PHF2: variants seen among roughly 807,000 people sequenced by gnomAD.
PHF2 encodes lysine-specific demethylase PHF2.
Under a neutral mutation model 120.5 loss-of-function variants are expected in PHF2, and 27 were observed. That is an observed-to-expected ratio of 0.22 (90% CI 0.17 to 0.31). PHF2 has a LOEUF of 0.31. PHF2 is among the 10% of genes least tolerant of loss of function. The pLI, the probability that PHF2 is intolerant of heterozygous loss-of-function variation, is 1.00. For missense variants in PHF2, 1,024 were observed against 1,434.8 expected, an observed-to-expected ratio of 0.71 and a Z score of 4.63; for synonymous variants, 568 against 592.5, an observed-to-expected ratio of 0.96 and a Z score of 0.60.
At chr9:93,576,946 G>A in intron 1 of PHF2, 75 bp downstream of exon 1, 1 of 607,182 alleles carries the variant, frequency 1.6e-6, no homozygotes, top group Non-Finnish European at 2.1e-6. Context: ...CGCGCCCCCG[G>A]CTGCGCGCCC....
intron 14 of PHF2, among the ~76,000 whole-genome samples, chr9:93,663,966 G>A (rs1290503049): frequency 6.6e-5 from 10 of 152,216 alleles, no homozygotes; most frequent in Non-Finnish European, 1.2e-4. Context: ...CTCCCACCAC[G>A]CTCCACCTGT....
intron 13 of PHF2, 50 bp from the exon 14 acceptor site, chr9:93,663,466 AC>A (rs768016661): frequency 9.8e-6 from 11 of 1,127,608 alleles, no homozygotes; most frequent in South Asian, 4.1e-5. Context: ...TGGGGTCCTG[AC>A]CCCCCACTTC....
At chr9:93,652,248 G>A (rs1826380851) in intron 5 of PHF2, among the ~76,000 whole-genome samples, 1 of 151,176 alleles carries the variant, frequency 6.6e-6, no homozygotes, top group South Asian at 2.1e-4. Flanking sequence ...CTGGTTCTTA[G>A]TGGCAGCTGA....
intron 2 of PHF2, among the ~76,000 whole-genome samples, chr9:93,631,156 G>T (rs1162376663): frequency 3.3e-5 from 5 of 152,196 alleles, no homozygotes; most frequent in African/African-American, 1.2e-4. Flanking sequence ...TGTGAGCTGA[G>T]GCTGGGTCGA....
intron 1 of PHF2, among the ~76,000 whole-genome samples, chr9:93,618,682 T>A (rs1825766667): frequency 6.6e-6 from 1 of 152,192 alleles, no homozygotes; most frequent in Non-Finnish European, 1.5e-5. Flanking sequence ...TTTTAAAAAT[T>A]GTAATATTAA....
chr9:93,671,927 G>C (rs1214285630), intron 17 of PHF2, among the ~76,000 whole-genome samples: 2 of 126,126 alleles, frequency 1.6e-5, no homozygotes, highest in African/African-American at 6.2e-5. Context: ...AGTAGGGTCA[G>C]GTGTAGATGC....
chr9:93,665,876 G>T lies in PHF2; in HGVS notation c.2116+12G>T, dbSNP rs1305931798. 1 of 1,612,920 alleles carries T rather than the reference G, an allele frequency of 6.2e-7. No individual in the cohort carries two copies. Among genetic ancestry groups the T allele is most frequent in the Non-Finnish European group, 8.5e-7 (1 of 1,179,864 alleles). Reference sequence around the variant, plus strand: ...AAGGGACTTGTCCTGTGAGTTGGGAGGGGGTGTTGGGGGAGGGGTGTGGGA... The same window carrying T: ...AAGGGACTTGTCCTGTGAGTTGGGATGGGGTGTTGGGGGAGGGGTGTGGGA... On this transcript the variant is annotated intron_variant, in intron 15 of 21. Transcript: ENST00000359246.
chr9:93,624,881 T>C (rs1185947317), intron 1 of PHF2, among the ~76,000 whole-genome samples: 2 of 152,086 alleles, frequency 1.3e-5, no homozygotes. Context: ...ATGATAATGA[T>C]GGTGTGGCAA....
At chr9:93,581,764 G>A (rs1371894240) in intron 1 of PHF2, among the ~76,000 whole-genome samples, 1 of 152,180 alleles carries the variant, frequency 6.6e-6, no homozygotes, top group Non-Finnish European at 1.5e-5. Flanking sequence ...CCTAAAATCT[G>A]GGCAGAGATT....
chr9:93,612,499 A>G (rs1159093356), intron 1 of PHF2, among the ~76,000 whole-genome samples: 15 of 152,232 alleles, frequency 9.9e-5, no homozygotes, highest in Admixed American at 9.8e-4. Flanking sequence ...AGCTTCTCAT[A>G]TGGTAAAAAG....
chr9:93,666,940 A>C, intron 16 of PHF2, 140 bp from the exon 17 acceptor site: 1 of 413,536 alleles, frequency 2.4e-6, no homozygotes, highest in East Asian at 5.3e-5. Context: ...AAATAAATAA[A>C]TAAAAATAAA....
intron 7 of PHF2, among the ~76,000 whole-genome samples, chr9:93,655,720 G>A (rs113724280): frequency 1.3e-5 from 2 of 152,244 alleles, no homozygotes; most frequent in African/African-American, 4.8e-5. Context: ...GCTGGGGTTG[G>A]GCCAGAGCCA....
intron 16 of PHF2, among the ~76,000 whole-genome samples, 177 bp from the exon 17 acceptor site, chr9:93,666,903 G>A (rs919330902): frequency 6.6e-6 from 1 of 152,030 alleles, no homozygotes; most frequent in Non-Finnish European, 1.5e-5. Flanking sequence ...CAGCCTGGGC[G>A]ACAGAGCGAG....
Position 93,656,087 on chromosome 9 carries a change from G to C in PHF2, c.1040+66G>C, listed in dbSNP as rs1423560512. On this transcript the variant is annotated intron_variant, in intron 8 of 21. Transcript: ENST00000359246. This position sits in a 1 kb window ranked among gnomAD's most constrained non-coding sequence, Gnocchi z 4.1. ...CAGCGTCCTCCCTCTAGCTGGGTCGGTGCTAGATGCCTTGGGCTGAGTCCT... is the reference window on the plus strand; with the variant it reads ...CAGCGTCCTCCCTCTAGCTGGGTCGCTGCTAGATGCCTTGGGCTGAGTCCT... 1 of 1,354,406 alleles carries C rather than the reference G, an allele frequency of 7.4e-7. No homozygotes were observed. The highest frequency in any genetic ancestry group is 1.0e-6 in the Non-Finnish European group (1 of 968,900). The allele number at this position is 1,354,406 out of a possible 1,614,324, so 83.9% of individuals were successfully genotyped here.
rs1203364579 is a variant in PHF2 at position 93,654,483 on chromosome 9, C to T, written c.860C>T (p.Ala287Val). Residue 287 changes from alanine (A) to valine (V), a missense_variant, in exon 7 of 22, where the codon GCC becomes GTC. By Grantham distance (64) the Ala-to-Val change is moderately conservative. This residue lies in a region of PHF2 where 347 missense variants were observed against 577.4 expected (regional missense o/e 0.60). Coordinates refer to ENST00000359246, the MANE Select transcript of PHF2 (RefSeq NM_005392.4). ...NISLYERWRS[A>V]SNHSEMFFAD... Reference sequence around the variant, plus strand: ...TCCCTGTATGAGCGCTGGCGGTCTGCCTCTAACCACAGCGAGATGTTCTTT... The same window carrying T: ...TCCCTGTATGAGCGCTGGCGGTCTGTCTCTAACCACAGCGAGATGTTCTTT... 1.4e-5 allele frequency: 22 copies of T among 1,613,942 alleles called. No individual in the cohort carries two copies. The East Asian group carries it at 4.9e-4, about 36-fold the overall frequency.
At chr9:93,641,861 C>G (rs1275201008) in intron 3 of PHF2, among the ~76,000 whole-genome samples, 1 of 152,278 alleles carries the variant, frequency 6.6e-6, no homozygotes, top group Admixed American at 6.5e-5. Context: ...TTGCCTAATC[C>G]AAGATCTTGA....
At chr9:93,666,190 C>T (rs1826677709) in intron 16 of PHF2, 130 bp downstream of exon 16, 2 of 738,222 alleles carry the variant, frequency 2.7e-6, no homozygotes, top group East Asian at 5.4e-5. Flanking sequence ...GGCCCCTTAC[C>T]CTCACCCCAC....
At chr9:93,672,509 G>T in intron 17 of PHF2, 3 of 985,018 alleles carry the variant, frequency 3.0e-6, no homozygotes, top group Non-Finnish European at 2.4e-6. Context: ...TGCAGGTATG[G>T]GTGTAGGTAC....
At chr9:93,676,474 C>G in intron 20 of PHF2, 120 bp from the exon 21 acceptor site, 2 of 1,244,212 alleles carry the variant, frequency 1.6e-6, no homozygotes, top group South Asian at 1.5e-5. Flanking sequence ...AGGCCTCAGG[C>G]CCCTGCTGCC....
Sources: gnomAD v4.1 joint callset for allele counts (sites outside exome capture counted in the v4.1 genomes callset) on GRCh38, gnomAD v4.1.1 for gene constraint, gnomAD v4.1.1 regional missense constraint, Gnocchi (gnomAD v3.1) non-coding constraint, MANE v1.5 for transcripts, NCBI Gene and HGNC (gene_info 2026-07-23, HGNC 2026-07-21) for gene names.